Variants in GFOD1 observed in about 807,000 individuals in gnomAD.
GFOD1 encodes Gfo/Idh/MocA-like oxidoreductase domain containing 1.
In GFOD1, 9 loss-of-function variants were observed where a neutral mutation model predicts 25.4. The observed-to-expected ratio is 0.35, with a 90% CI of 0.21 to 0.62. GFOD1 has a LOEUF of 0.62. GFOD1 is among the 20% of genes least tolerant of loss of function. The pLI is 0.72. For synonymous variants in GFOD1, 253 were observed against 245.6 expected, an observed-to-expected ratio of 1.03 and a Z score of -0.28; for missense variants, 403 against 556.9, an observed-to-expected ratio of 0.72 and a Z score of 2.78.
chr6:13,470,520 C>A, intron 1 of GFOD1: 1 of 1,549,806 alleles, frequency 6.5e-7, no homozygotes, highest in Non-Finnish European at 8.7e-7. Context: ...AACAAATGTC[C>A]CATGTGGGGG....
At chr6:13,385,872 C>G (rs1318822597) in intron 1 of GFOD1, among the ~76,000 whole-genome samples, 1 of 152,102 alleles carries the variant, frequency 6.6e-6, no homozygotes, top group Non-Finnish European at 1.5e-5. Context: ...GTGAATTATT[C>G]CCCTTCAGTT....
intron 1 of GFOD1, among the ~76,000 whole-genome samples, chr6:13,444,691 T>C (rs1006755739): frequency 6.6e-6 from 1 of 152,126 alleles, no homozygotes; most frequent in Admixed American, 6.5e-5. Context: ...ATAAAAAAAA[T>C]TTAATGAAAG....
intron 1 of GFOD1, among the ~76,000 whole-genome samples, chr6:13,406,228 CCACTAA>C (rs1232303971): frequency 1.3e-5 from 2 of 152,146 alleles, no homozygotes; most frequent in African/African-American, 2.4e-5. Context: ...CACTATAAAC[CCACTAA>C]CACTAATTGC....
chr6:13,451,162 G>A (rs911077799), intron 1 of GFOD1, among the ~76,000 whole-genome samples: 2 of 152,200 alleles, frequency 1.3e-5, no homozygotes, highest in African/African-American at 4.8e-5. Flanking sequence ...AGAACATCTG[G>A]TTCATTCCCC....
At chr6:13,382,349 G>GC (rs1554200032) in intron 1 of GFOD1, among the ~76,000 whole-genome samples, 1 of 18,204 alleles carries the variant, frequency 5.5e-5, no homozygotes, top group East Asian at 3.0e-3. Context: ...TTGAATCATG[G>GC]GGGGGGGGGT....
At chr6:13,437,407 CA>C (rs1247038645) in intron 1 of GFOD1, among the ~76,000 whole-genome samples, 1 of 152,182 alleles carries the variant, frequency 6.6e-6, no homozygotes, top group African/African-American at 2.4e-5. Context: ...GAACTTTCTG[CA>C]AGGCTAGAAT....
chr6:13,393,368 C>CAAAAAAA (rs70989853), intron 1 of GFOD1, among the ~76,000 whole-genome samples: 1 of 72,490 alleles, frequency 1.4e-5, no homozygotes, highest in Non-Finnish European at 2.5e-5. Flanking sequence ...AAACAACCAC[C>CAAAAAAA]AAAAAAAAAA....
chr6:13,384,215 G>A (rs1354996999), intron 1 of GFOD1, among the ~76,000 whole-genome samples: 2 of 152,210 alleles, frequency 1.3e-5, no homozygotes, highest in Non-Finnish European at 2.9e-5. Context: ...GACAGAGTGA[G>A]ACTCCATCTC....
intron 1 of GFOD1, among the ~76,000 whole-genome samples, chr6:13,461,491 C>G (rs538155611): frequency 6.6e-6 from 1 of 152,304 alleles, no homozygotes; most frequent in South Asian, 2.1e-4. Context: ...TCACCATGGC[C>G]TCAGTTGGCT....
intron 1 of GFOD1, among the ~76,000 whole-genome samples, chr6:13,427,705 A>C (rs994196881): frequency 3.3e-5 from 5 of 152,236 alleles, no homozygotes; most frequent in Non-Finnish European, 7.3e-5. Context: ...TTCAATTTGT[A>C]TAAATTTGAG....
chr6:13,365,321 G>C lies in GFOD1; in HGVS notation c.595C>G (p.Leu199Val). 1.2e-6 allele frequency: 2 copies of C among 1,614,228 alleles called. No homozygotes were observed. The highest frequency in any genetic ancestry group is 1.7e-6 in the Non-Finnish European group (2 of 1,180,030). ...TCAGTCTGCTTCACGAAGGTCTTGA[G>C]CAGCCCGTGGACCTTGACGGCCTTT... is the stretch of plus-strand genomic sequence containing the variant. Reference protein sequence around the residue: ...GQKAVKVHGLLKTFVKQTDHI... With the variant: ...GQKAVKVHGLVKTFVKQTDHI... The change falls in exon 2 of 2, where the codon CTC becomes GTC. Residue 199 changes from leucine (L) to valine (V), a missense_variant. Coordinates refer to ENST00000379287, the MANE Select transcript of GFOD1 (RefSeq NM_018988.4). The surrounding 1 kb of genome is among the most constrained non-coding windows in gnomAD (Gnocchi z 9.2).
chr6:13,426,293 T>C (rs1377512829), intron 1 of GFOD1, among the ~76,000 whole-genome samples: 4 of 152,216 alleles, frequency 2.6e-5, no homozygotes, highest in Admixed American at 2.6e-4. Context: ...TGCCTGGTCC[T>C]ATAATACAGA....
chr6:13,368,659 G>A (rs1017958573), intron 1 of GFOD1, among the ~76,000 whole-genome samples: 2 of 152,088 alleles, frequency 1.3e-5, no homozygotes, highest in East Asian at 1.9e-4. Context: ...CTTAGTATAC[G>A]CTATTGGTCA....
Position 13,430,799 on chromosome 6 carries a change from G to T in GFOD1, c.253+55839C>A, listed in dbSNP as rs1019507463. On this transcript the variant is annotated intron_variant, in intron 1 of 1. Transcript: ENST00000379287. The surrounding 1 kb of genome is among the most constrained non-coding windows in gnomAD (Gnocchi z 4.1). ...ACTCCCTCCTCCTCCTGTCAGGCTC[G>T]CTACCAAACTCTACTCCTCACCCTC... Among the ~76,000 whole-genome samples the T allele has an allele frequency of 1.3e-5, 2 of 152,072 alleles. No homozygotes were observed. Among genetic ancestry groups the T allele is most frequent in the Non-Finnish European group, 2.9e-5 (2 of 68,004 alleles).
rs1274250193 is a variant in GFOD1 at position 13,409,182 on chromosome 6, AG to A, written c.254-43521del. Among the ~76,000 whole-genome samples, 4 of 83,890 alleles carry A rather than the reference AG, an allele frequency of 4.8e-5. 1 individual carries two copies. Among genetic ancestry groups the A allele is most frequent in the Non-Finnish European group, 6.4e-5 (2 of 31,394 alleles). 55.0% of individuals were successfully genotyped at this position (83,890 alleles called of 152,430 possible). On this transcript the variant is annotated intron_variant, in intron 1 of 1. Transcript: ENST00000379287. ...AGAAAGAAAGGAAAGAGAGAGAGAG[AG>A]AGAAAGAAAGAAAGAAAGAGAAAGA...
intron 1 of GFOD1, among the ~76,000 whole-genome samples, chr6:13,484,584 T>C (rs1282359643): frequency 6.6e-6 from 1 of 152,222 alleles, no homozygotes; most frequent in Non-Finnish European, 1.5e-5. Context: ...CTAGGTCTAT[T>C]ATGCCTCTTA....
chr6:13,400,097 T>C (rs949119239), intron 1 of GFOD1, among the ~76,000 whole-genome samples: 1 of 151,964 alleles, frequency 6.6e-6, no homozygotes, highest in Non-Finnish European at 1.5e-5. Flanking sequence ...CCTCCTGATA[T>C]ATTGAAGAGA....
intron 1 of GFOD1, among the ~76,000 whole-genome samples, chr6:13,475,577 G>A (rs557365224): frequency 1.3e-3 from 204 of 151,782 alleles, no homozygotes; most frequent in African/African-American, 4.6e-3. Context: ...AATCAGCCAG[G>A]TGTGGTGACG....
intron 1 of GFOD1, among the ~76,000 whole-genome samples, chr6:13,434,973 CA>C (rs1166097919): frequency 1.3e-5 from 2 of 152,224 alleles, no homozygotes; most frequent in Admixed American, 6.5e-5. Flanking sequence ...GCACATGTCT[CA>C]AACCAAACAC....
Sources: gnomAD v4.1 joint callset for allele counts (sites outside exome capture counted in the v4.1 genomes callset) on GRCh38, gnomAD v4.1.1 for gene constraint, Gnocchi (gnomAD v3.1) non-coding constraint, MANE v1.5 for transcripts, NCBI Gene and HGNC (gene_info 2026-07-23, HGNC 2026-07-21) for gene names.